The following TCF7L1 variants were observed in gnomAD, a reference collection of about 807,000 sequenced individuals.
TCF7L1 encodes transcription factor 7-like 1.
TCF7L1 carries 18 observed loss-of-function variants against 63.7 expected under a neutral mutation model. The ratio of observed to expected loss-of-function variants is 0.28; its 90% CI spans 0.20 to 0.42. The LOEUF is 0.42. TCF7L1 is among the 10% of genes least tolerant of loss of function. The pLI is 1.00. For synonymous variants in TCF7L1, 355 were observed against 340.9 expected (o/e 1.04, Z -0.46); for missense variants, 654 against 779.3 (o/e 0.84, Z 1.91).
chr2:85,147,918 A>G (rs1426260568), intron 3 of TCF7L1, among the ~76,000 whole-genome samples: 1 of 151,972 alleles, frequency 6.6e-6, no homozygotes, highest in Non-Finnish European at 1.5e-5. Flanking sequence ...ATTAAGTTGG[A>G]CCATCATAGG....
At chr2:85,147,763 G>A (rs557062660) in intron 3 of TCF7L1, among the ~76,000 whole-genome samples, 5 of 152,268 alleles carry the variant, frequency 3.3e-5, no homozygotes, top group African/African-American at 1.2e-4. Context: ...TCTGTTTGGT[G>A]CCTTAGTTTG....
intron 3 of TCF7L1, among the ~76,000 whole-genome samples, chr2:85,140,730 G>T (rs973873862): frequency 1.6e-4 from 25 of 152,010 alleles, no homozygotes; most frequent in Non-Finnish European, 3.2e-4. Flanking sequence ...AACCCAGGAG[G>T]CGGCACCTGT....
chr2:85,194,856 C>A (rs1230388730), intron 3 of TCF7L1, among the ~76,000 whole-genome samples: 1 of 152,220 alleles, frequency 6.6e-6, no homozygotes, highest in Non-Finnish European at 1.5e-5. Context: ...AGTTCGCAGG[C>A]ACACTGGTTC....
At chr2:85,171,187 A>C (rs903360233) in intron 3 of TCF7L1, among the ~76,000 whole-genome samples, 12 of 152,198 alleles carry the variant, frequency 7.9e-5, no homozygotes, top group African/African-American at 2.7e-4. Flanking sequence ...AGCTCTCATG[A>C]GACTTATTCA....
At chr2:85,136,046 C>T (rs1165319004) in intron 3 of TCF7L1, among the ~76,000 whole-genome samples, 5 of 151,932 alleles carry the variant, frequency 3.3e-5, no homozygotes, top group African/African-American at 9.7e-5. Flanking sequence ...TGTAACTTTG[C>T]GTATGGGGGA....
At chr2:85,232,354 T>G (rs1680101877) in intron 3 of TCF7L1, among the ~76,000 whole-genome samples, 1 of 152,188 alleles carries the variant, frequency 6.6e-6, no homozygotes, top group Non-Finnish European at 1.5e-5. Flanking sequence ...TTTAATCATA[T>G]TTCCTCCTCT....
intron 3 of TCF7L1, chr2:85,187,382 GT>G (rs1370153580): frequency 1.3e-5 from 2 of 152,164 alleles, no homozygotes; most frequent in African/African-American, 4.8e-5. Context: ...ACTCTTCCTG[GT>G]GTACCCAGAA....
chr2:85,238,433 A>G (rs935296313), intron 3 of TCF7L1, among the ~76,000 whole-genome samples: 1 of 152,080 alleles, frequency 6.6e-6, no homozygotes, highest in Non-Finnish European at 1.5e-5. Flanking sequence ...TTTTGGGGGG[A>G]TTCAGAGCAG....
At chr2:85,200,464 A>C (rs1214876231) in intron 3 of TCF7L1, among the ~76,000 whole-genome samples, 1 of 152,380 alleles carries the variant, frequency 6.6e-6, no homozygotes, top group East Asian at 1.9e-4. Context: ...TATGAAAACC[A>C]TAAGGAAGAG....
intron 3 of TCF7L1, among the ~76,000 whole-genome samples, chr2:85,253,921 A>G (rs1680647552): frequency 6.6e-6 from 1 of 152,244 alleles, no homozygotes; most frequent in Non-Finnish European, 1.5e-5. Context: ...GCCAGACCCC[A>G]CTGTCATGTG....
chr2:85,308,477 C>CT (rs1682190676), intron 11 of TCF7L1, among the ~76,000 whole-genome samples: 1 of 98,356 alleles, frequency 1.0e-5, no homozygotes, highest in Non-Finnish European at 2.0e-5. Context: ...CTCCCTCTCC[C>CT]CCTCCTTCCC....
At chr2:85,167,550 A>G (rs1404735812) in intron 3 of TCF7L1, among the ~76,000 whole-genome samples, 3 of 152,150 alleles carry the variant, frequency 2.0e-5, no homozygotes, top group Admixed American at 2.0e-4. Context: ...TCTGCACGCA[A>G]TGGAATATCA....
At position 85,295,775 on chromosome 2, in the gene TCF7L1, C is replaced by CTTTTT. The variant is rs56373561; in HGVS notation, c.526-6691_526-6687dup. 1.0e-3 allele frequency among the ~76,000 whole-genome samples: 105 copies of CTTTTT among 100,870 alleles called. 2 individuals are homozygous for CTTTTT. The highest frequency in any genetic ancestry group is 2.7e-3 in the East Asian group (9 of 3,330). The allele number at this position is 100,870 out of a possible 152,430, so 66.2% of individuals were successfully genotyped here. On this transcript the variant is annotated intron_variant, in intron 4 of 11. Transcript: ENST00000282111. ...CTCAAAATGAAGAAAGTAACATTTA[C>CTTTTT]TTTTTTTTTTTTTTTTTTTTTTGAG...
intron 3 of TCF7L1, among the ~76,000 whole-genome samples, chr2:85,154,853 G>A (rs1678108066): frequency 6.6e-6 from 1 of 151,340 alleles, no homozygotes; most frequent in African/African-American, 2.4e-5. Context: ...GTTTTGTTCT[G>A]TTGCTTAGGC....
chr2:85,278,405 G>A (rs749856187), intron 3 of TCF7L1, among the ~76,000 whole-genome samples: 6 of 152,200 alleles, frequency 3.9e-5, no homozygotes, highest in Admixed American at 6.5e-5. Flanking sequence ...GAATGTAAAA[G>A]TCAAAAATTT....
chr2:85,292,534 T>C (rs1261272698), intron 4 of TCF7L1, among the ~76,000 whole-genome samples: 1 of 152,242 alleles, frequency 6.6e-6, no homozygotes, highest in Non-Finnish European at 1.5e-5. Flanking sequence ...TCTGTATTTC[T>C]CAAAAAATAT....
intron 4 of TCF7L1, among the ~76,000 whole-genome samples, chr2:85,286,508 C>T (rs991201296): frequency 1.4e-4 from 21 of 151,562 alleles, no homozygotes; most frequent in Admixed American, 1.2e-3. Flanking sequence ...GAGATCTCTA[C>T]AAAAAAGACG....
chr2:85,242,024 G>A (rs1215432258), intron 3 of TCF7L1, among the ~76,000 whole-genome samples: 1 of 11,120 alleles, frequency 9.0e-5, no homozygotes, highest in Non-Finnish European at 1.8e-4. Flanking sequence ...GCGGTGGTGC[G>A]GGGGGGCAAG....
At chr2:85,143,254 CAAAAG>C (rs911867200) in intron 3 of TCF7L1, among the ~76,000 whole-genome samples, 30 of 152,270 alleles carry the variant, frequency 2.0e-4, no homozygotes, top group African/African-American at 7.2e-4. Context: ...ATGAAATTCA[CAAAAG>C]AACAACTATA....
Sources: gnomAD v4.1 joint callset for allele counts (sites outside exome capture counted in the v4.1 genomes callset) on GRCh38, gnomAD v4.1.1 for gene constraint, MANE v1.5 for transcripts, NCBI Gene and HGNC (gene_info 2026-07-23, HGNC 2026-07-21) for gene names.